Variants in SIPA1L2 observed in about 807,000 individuals in gnomAD.
The protein encoded by SIPA1L2 is signal-induced proliferation-associated 1-like protein 2.
In SIPA1L2, 56 loss-of-function variants were observed where a neutral mutation model predicts 163.9. The ratio of observed to expected loss-of-function variants is 0.34; its 90% CI spans 0.28 to 0.43. The LOEUF is 0.43. SIPA1L2 is among the 20% of genes least tolerant of loss of function. SIPA1L2 has a pLI of 1.00. For missense variants in SIPA1L2, 1,974 were observed against 2,193.5 expected (o/e 0.90, Z 2.00); for synonymous variants, 877 against 865.7 (o/e 1.01, Z -0.23).
chr1:232,577,463 A>T (rs1573113079), intron 1 of SIPA1L2, among the ~76,000 whole-genome samples: 1 of 152,192 alleles, frequency 6.6e-6, no homozygotes, highest in Non-Finnish European at 1.5e-5. Context: ...CTGACTTTTA[A>T]ATTTTATTAT....
intron 6 of SIPA1L2, among the ~76,000 whole-genome samples, chr1:232,482,974 T>C (rs766079781): frequency 1.3e-5 from 2 of 151,038 alleles, no homozygotes; most frequent in Non-Finnish European, 2.9e-5. Context: ...AGTTGTTTGA[T>C]AATAAGCAGA....
rs201649743 is a variant in SIPA1L2, at chr1:232,443,642, C to T, written c.3397G>A (p.Gly1133Ser). ...TGTGGTCTCCAGGGTCCGCTCCCGC[C>T]GGGTCCAGGGTCGCTGGAGGATGAC... Reference protein sequence around the residue: ...NQSSSSDPGPGGSGPWRPQVG... With the variant: ...NQSSSSDPGPSGSGPWRPQVG... The change falls in exon 12 of 23, where the codon GGC becomes AGC. Residue 1133 changes from glycine to serine, a missense_variant. This residue lies in a region of SIPA1L2 where 1,079 missense variants were observed against 1,150.7 expected (regional missense o/e 0.94). Coordinates refer to ENST00000674635, the MANE Select transcript of SIPA1L2 (RefSeq NM_020808.5). 1.1e-5 allele frequency: 18 copies of T among 1,609,210 alleles called. No individual in the cohort carries two copies. Among genetic ancestry groups the T allele is most frequent in the East Asian group, 9.0e-5 (4 of 44,502 alleles).
In SIPA1L2 at chr1:232,458,164, G is replaced by GGA. The variant is rs529447095; in HGVS notation, c.3095+2722_3095+2723insTC. Among the ~76,000 whole-genome samples, 6 of 151,800 alleles carry GGA rather than the reference G, an allele frequency of 4.0e-5. No homozygotes were observed. In the East Asian group the frequency reaches 5.8e-4, roughly 15 times the overall value. On this transcript the variant is annotated intron_variant, in intron 10 of 22. Transcript: ENST00000674635. ...AAGACAGTTATTACAGATTAATTGG[G>GGA]AAAAAAAACCCTGTATGTTTAGGGA...
At chr1:232,622,374 G>C (rs13373788) in intron 1 of SIPA1L2, among the ~76,000 whole-genome samples, 141 of 152,346 alleles carry the variant, frequency 9.3e-4, no homozygotes, top group African/African-American at 3.1e-3. Context: ...TACTGATGGG[G>C]TTTTTAAACA....
At chr1:232,491,357 C>T (rs1310833559) in intron 4 of SIPA1L2, among the ~76,000 whole-genome samples, 1 of 152,174 alleles carries the variant, frequency 6.6e-6, no homozygotes, top group Non-Finnish European at 1.5e-5. Flanking sequence ...GACATTCCTA[C>T]AACTCTGAAC....
intron 19 of SIPA1L2, among the ~76,000 whole-genome samples, chr1:232,412,728 A>G (rs1290760860): frequency 6.6e-6 from 1 of 152,164 alleles, no homozygotes; most frequent in Non-Finnish European, 1.5e-5. Flanking sequence ...AAATTTTCAT[A>G]AGCTGGCTAC....
chr1:232,616,300 G>A (rs1662495525), intron 1 of SIPA1L2, among the ~76,000 whole-genome samples: 1 of 152,232 alleles, frequency 6.6e-6, no homozygotes, highest in South Asian at 2.1e-4. Flanking sequence ...GGGCAAAGCA[G>A]AACCAAACAA....
chr1:232,514,360 C>T lies in SIPA1L2; in HGVS notation c.980G>A (p.Arg327Gln), dbSNP rs555025621. The change falls in exon 3 of 23, where the codon CGA (arginine) becomes CAA (glutamine). Residue 327 changes from arginine to glutamine, a missense_variant. Physicochemically the swap from Arg to Gln is conservative, Grantham distance 43 (BLOSUM62 1). Around this residue, in one of 3 missense-constraint regions of SIPA1L2, gnomAD observed 607 missense variants for 624.0 expected, o/e 0.97. Coordinates refer to ENST00000674635, the MANE Select transcript of SIPA1L2 (RefSeq NM_020808.5). ...CTGGACATCATAATGTGCAAAACAT[C>T]GCTGACAATTCCAAGGGCGAATGCC... is the stretch of plus-strand genomic sequence containing the variant. ...ERGIRPWNCQ[R>Q]CFAHYDVQSI... 49 of 1,613,440 alleles carry T rather than the reference C, an allele frequency of 3.0e-5. No individual in the cohort carries two copies. The highest frequency in any genetic ancestry group is 1.2e-4 in the South Asian group (11 of 91,088).
At chr1:232,589,087 G>A (rs986794467) in intron 1 of SIPA1L2, among the ~76,000 whole-genome samples, 15 of 152,136 alleles carry the variant, frequency 9.9e-5, no homozygotes, top group African/African-American at 3.4e-4. Flanking sequence ...CATTTAGGTG[G>A]CAGTTCCCTC....
chr1:232,626,221 T>C (rs1003650183), intron 1 of SIPA1L2, among the ~76,000 whole-genome samples: 1 of 135,816 alleles, frequency 7.4e-6, no homozygotes, highest in Non-Finnish European at 1.5e-5. Context: ...TGACAATCCC[T>C]AATATTTGCT....
chr1:232,559,190 G>A (rs1365254697), intron 2 of SIPA1L2, among the ~76,000 whole-genome samples: 2 of 152,176 alleles, frequency 1.3e-5, no homozygotes, highest in African/African-American at 2.4e-5. Context: ...TGGGGTAGCA[G>A]GGATTATCCT....
At chr1:232,492,422 C>T (rs1665978090) in intron 4 of SIPA1L2, among the ~76,000 whole-genome samples, 1 of 152,100 alleles carries the variant, frequency 6.6e-6, no homozygotes, top group Non-Finnish European at 1.5e-5. Context: ...CCATACTGCC[C>T]TACAGCCTCA....
chr1:232,427,993 T>TAA (rs1662001350), intron 17 of SIPA1L2, among the ~76,000 whole-genome samples: 1 of 152,238 alleles, frequency 6.6e-6, no homozygotes, highest in African/African-American at 2.4e-5. Context: ...GATCACTAGT[T>TAA]ATGTCCAGGA....
chr1:232,598,153 A>G (rs1573149119), intron 1 of SIPA1L2, among the ~76,000 whole-genome samples: 1 of 151,642 alleles, frequency 6.6e-6, no homozygotes, highest in Non-Finnish European at 1.5e-5. Context: ...TGTAATCCTG[A>G]CACTTTGGGA....
chr1:232,626,126 T>C (rs1330900257), intron 1 of SIPA1L2, among the ~76,000 whole-genome samples: 2 of 152,196 alleles, frequency 1.3e-5, no homozygotes, highest in African/African-American at 4.8e-5. Context: ...CAAAAGGATT[T>C]TGACGAAATG....
intron 2 of SIPA1L2, among the ~76,000 whole-genome samples, chr1:232,550,256 G>A (rs930601687): frequency 6.6e-6 from 1 of 152,172 alleles, no homozygotes; most frequent in Non-Finnish European, 1.5e-5. Context: ...TCAAGATCTA[G>A]GGCAGGATGT....
At chr1:232,494,643 G>C (rs1393180331) in intron 3 of SIPA1L2, among the ~76,000 whole-genome samples, 1 of 152,184 alleles carries the variant, frequency 6.6e-6, no homozygotes, top group Non-Finnish European at 1.5e-5. Context: ...GTATCTCATT[G>C]CAACTTTCAA....
At chr1:232,479,374 T>A (rs1422274553) in intron 7 of SIPA1L2, among the ~76,000 whole-genome samples, 1 of 152,208 alleles carries the variant, frequency 6.6e-6, no homozygotes. Flanking sequence ...AAGTTTCTCC[T>A]GAGAAAAGAT....
chr1:232,475,210 C>CT (rs1273483211), intron 7 of SIPA1L2, among the ~76,000 whole-genome samples: 1 of 152,172 alleles, frequency 6.6e-6, no homozygotes, highest in Non-Finnish European at 1.5e-5. Flanking sequence ...CCTACCTCTC[C>CT]GACCTCATCA....
Sources: gnomAD v4.1 joint callset for allele counts (sites outside exome capture counted in the v4.1 genomes callset) on GRCh38, gnomAD v4.1.1 for gene constraint, gnomAD v4.1.1 regional missense constraint, MANE v1.5 for transcripts, NCBI Gene and HGNC (gene_info 2026-07-23, HGNC 2026-07-21) for gene names.